Variants in MBD3 observed in about 807,000 individuals in gnomAD.
The protein encoded by MBD3 is methyl-CpG-binding domain protein 3.
A neutral mutation model predicts 31.2 loss-of-function variants in MBD3; 13 were observed. The ratio of observed to expected loss-of-function variants is 0.42; its 90% CI spans 0.27 to 0.66. The LOEUF (loss-of-function observed/expected upper bound fraction) is 0.66. Ranked by LOEUF, MBD3 falls within the 30% of genes least tolerant of loss-of-function variation. MBD3 has a pLI of 0.26. For synonymous variants in MBD3, 223 were observed against 187.4 expected (o/e 1.19, Z -1.55); for missense variants, 440 against 426.5 (o/e 1.03, Z -0.28).
At chr19:1,583,691 C>T (rs970823925) in intron 3 of MBD3, among the ~76,000 whole-genome samples, 8 of 151,916 alleles carry the variant, frequency 5.3e-5, no homozygotes, top group Admixed American at 3.3e-4. Context: ...AACCCTGTCT[C>T]GAAAGTGAAA....
intron 5 of MBD3, among the ~76,000 whole-genome samples, chr19:1,579,389 TC>T (rs2145592903): frequency 6.6e-6 from 1 of 151,774 alleles, no homozygotes; most frequent in African/African-American, 2.4e-5. Flanking sequence ...GGGGGCCTCC[TC>T]CTCGGGGCCT....
intron 3 of MBD3, 54 bp from the exon 4 acceptor site, chr19:1,582,766 CAGG>C: frequency 6.5e-7 from 1 of 1,527,490 alleles, no homozygotes; most frequent in Non-Finnish European, 9.0e-7. Flanking sequence ...CTCCCCACTC[CAGG>C]TCCTTGCTGG....
chr19:1,579,007 A>T (rs1287402314), intron 5 of MBD3, among the ~76,000 whole-genome samples: 8 of 151,952 alleles, frequency 5.3e-5, no homozygotes, highest in African/African-American at 1.9e-4. Flanking sequence ...AACATGACGA[A>T]ACCCCATCTC....
intron 1 of MBD3, among the ~76,000 whole-genome samples, chr19:1,588,976 C>T (rs1226004544): frequency 2.0e-5 from 3 of 152,158 alleles, no homozygotes; most frequent in Admixed American, 2.0e-4. Context: ...GCTGAAAAAC[C>T]ATTGACTCGT....
chr19:1,585,808 AG>A lies in MBD3; in HGVS notation c.111-595del, dbSNP rs2060676653. On this transcript the variant is annotated intron_variant, in intron 1 of 6. Coordinates refer to ENST00000434436, the MANE Select transcript of MBD3 (RefSeq NM_001281453.2). The surrounding 1 kb of genome is among the most constrained non-coding windows in gnomAD (Gnocchi z 4.1). Reference sequence around the variant, plus strand: ...TTACAGCAGCAGGGCCAGACTGGGAAGGGGTCTCGTTCTAAGATCTGGGGCC... The same window carrying A: ...TTACAGCAGCAGGGCCAGACTGGGAAGGGTCTCGTTCTAAGATCTGGGGCC... 1 of 156,508 alleles carries A rather than the reference AG, an allele frequency of 6.4e-6. No individual in the cohort carries two copies. The highest frequency in any genetic ancestry group is 1.4e-5 in the Non-Finnish European group (1 of 70,804). The allele number at this position is 156,508 out of a possible 1,614,324, so 9.7% of individuals were successfully genotyped here.
chr19:1,584,998 C>A, intron 2 of MBD3, 57 bp downstream of exon 2: 1 of 1,597,224 alleles, frequency 6.3e-7, no homozygotes. Flanking sequence ...ACGTCATGGC[C>A]GCGTCCCCGC....
chr19:1,586,260 A>C (rs2060678762), intron 1 of MBD3: 1 of 152,288 alleles, frequency 6.6e-6, no homozygotes, highest in African/African-American at 2.4e-5. Flanking sequence ...ATGAACGGAC[A>C]AACGCCCATC....
rs1302747981 is a variant in MBD3, at chr19:1,585,549, C to G, written c.111-335G>C. On this transcript the variant is annotated intron_variant, in intron 1 of 6. Coordinates refer to ENST00000434436, the MANE Select transcript of MBD3 (RefSeq NM_001281453.2). The surrounding 1 kb of genome is among the most constrained non-coding windows in gnomAD (Gnocchi z 4.1). ...GATCCTTGCTCCAGACCCCCAACCC[C>G]GGTCCCCTCTGAATCCTCCCCACCG... The G allele has an allele frequency of 8.4e-6, 3 of 358,764 alleles. No individual in the cohort carries two copies. The highest frequency in any genetic ancestry group is 2.7e-5 in the South Asian group (1 of 36,768). 22.2% of individuals were successfully genotyped at this position (358,764 alleles called of 1,614,324 possible).
rs1018898524 is a variant in MBD3 at position 1,578,470 on chromosome 19, G to A, written c.746C>T (p.Ala249Val). 18 of 1,609,972 alleles carry A rather than the reference G, an allele frequency of 1.1e-5. No homozygotes were observed. The highest frequency in any genetic ancestry group is 5.5e-5 in the South Asian group (5 of 91,078). Residue 249 changes from alanine to valine, a missense_variant, in exon 6 of 7, where the codon GCG becomes GTG. Transcript: ENST00000434436. This position sits in a 1 kb window ranked among gnomAD's most constrained non-coding sequence, Gnocchi z 6.1. The stretch of plus-strand genomic sequence containing the variant: ...GTCACGGGCCAGCTCCTCCACGTGC[G>A]CCAGCATGTCGGCCATCAGCGCCTC... ...LEEALMADML[A>V]HVEELARDGE...
In MBD3 at chr19:1,575,398, C is replaced by T. The variant is rs887676463; in HGVS notation, c.*2766G>A. 3.5e-5 allele frequency: 11 copies of T among 315,358 alleles called. No individual in the cohort carries two copies. Among genetic ancestry groups the T allele is most frequent in the Middle Eastern group, 8.3e-4 (2 of 2,412 alleles). 19.5% of individuals were successfully genotyped at this position (315,358 alleles called of 1,614,324 possible). A position where few individuals can be genotyped will look rare whatever the true frequency, so the allele number is the denominator to read the frequency against. On this transcript the variant is annotated 3_prime_UTR_variant, in exon 7 of 7. Transcript: ENST00000434436. ...CTGTGCAACAAGAGCGAAAGAAGAG[C>T]GAAACTCTTGTCTAAAAAAAAAAAA...
chr19:1,585,211 C>T lies in MBD3; in HGVS notation c.114G>A (p.Pro38=), dbSNP rs1455676054. The change falls in exon 2 of 7, where the codon CCG becomes CCA. Residue 38 remains proline, a synonymous_variant. Transcript: ENST00000434436. The surrounding 1 kb of genome is among the most constrained non-coding windows in gnomAD (Gnocchi z 4.1). ...AGHRDVFYYS[P]SGKKFRSKPQ... is the part of the protein sequence containing the mutation. ...GCTTGCTGCGGAACTTCTTCCCGCT[C>T]GGGCTGCGGGGAGGCGGGACGGTCG... The T allele has an allele frequency of 1.3e-6, 2 of 1,592,342 alleles. No individual in the cohort carries two copies. The highest frequency in any genetic ancestry group is 1.7e-6 in the Non-Finnish European group (2 of 1,175,194).
chr19:1,575,142 C>A lies in MBD3; in HGVS notation c.*3022G>T, dbSNP rs1915733272. 2 of 421,324 alleles carry A rather than the reference C, an allele frequency of 4.7e-6. No homozygotes were observed. The highest frequency in any genetic ancestry group is 2.0e-5 in the African/African-American group (1 of 49,122). 26.1% of individuals were successfully genotyped at this position (421,324 alleles called of 1,614,324 possible). On this transcript the variant is annotated 3_prime_UTR_variant, in exon 7 of 7. Coordinates refer to ENST00000434436, the MANE Select transcript of MBD3 (RefSeq NM_001281453.2). ...AGGCTCTTGCTGCTGCTGGCAAGTG[C>A]CAGAAGGGCTGCCATGGTGGTTCAC...
In MBD3 at chr19:1,592,502, C is replaced by A; in HGVS notation, c.110+20G>T. On this transcript the variant is annotated intron_variant, in intron 1 of 6. Transcript: ENST00000434436. ...GGGAGGAGCCCGTTGAGGCCCTGCGCGGCCGGCGCGCTCATTCACCTATAG... is the reference window on the plus strand; with the variant it reads ...GGGAGGAGCCCGTTGAGGCCCTGCGAGGCCGGCGCGCTCATTCACCTATAG... 7.4e-7 allele frequency: 1 copy of A among 1,346,392 alleles called. No individual in the cohort carries two copies. 83.4% of individuals were successfully genotyped at this position (1,346,392 alleles called of 1,614,324 possible).
At position 1,585,552 on chromosome 19, in the gene MBD3, TCCCC is replaced by T; in HGVS notation, c.111-342_111-339del. 2.9e-6 allele frequency: 1 copy of T among 342,252 alleles called. No homozygotes were observed. The highest frequency in any genetic ancestry group is 5.6e-6 in the Non-Finnish European group (1 of 179,884). The allele number at this position is 342,252 out of a possible 1,614,324, so 21.2% of individuals were successfully genotyped here. On this transcript the variant is annotated intron_variant, in intron 1 of 6. Transcript: ENST00000434436. The surrounding 1 kb of genome is among the most constrained non-coding windows in gnomAD (Gnocchi z 4.1). The stretch of plus-strand genomic sequence containing the variant: ...CCTTGCTCCAGACCCCCAACCCCGG[TCCCC>T]TCTGAATCCTCCCCACCGTAGGCCC...
rs1160962941 is a variant in MBD3, at chr19:1,575,296, G to T, written c.*2868C>A. 5 of 442,390 alleles carry T rather than the reference G, an allele frequency of 1.1e-5. No individual in the cohort carries two copies. The highest frequency in any genetic ancestry group is 7.8e-5 in the South Asian group (5 of 64,008). 27.4% of individuals were successfully genotyped at this position (442,390 alleles called of 1,614,324 possible). ...AATACAAAAATTAGCTGGGCGTGGT[G>T]GCTACTCGGGAGGCTGAGGCTTGAA... On this transcript the variant is annotated 3_prime_UTR_variant, in exon 7 of 7. Transcript: ENST00000434436.
At chr19:1,590,559 G>T (rs866593368) in intron 1 of MBD3, among the ~76,000 whole-genome samples, 40 of 152,252 alleles carry the variant, frequency 2.6e-4, no homozygotes, top group Non-Finnish European at 3.1e-4. Context: ...TCAAGAATGC[G>T]TAAGCCGTGA....
chr19:1,584,549 C>A lies in MBD3; in HGVS notation c.399G>T (p.Gln133His). The A allele has an allele frequency of 6.2e-7, 1 of 1,613,522 alleles. No homozygotes were observed. The highest frequency in any genetic ancestry group is 8.5e-7 in the Non-Finnish European group (1 of 1,179,874). The change falls in exon 3 of 7, where the codon CAG (glutamine) becomes CAT (histidine). Residue 133 changes from glutamine (Q) to histidine (H), a missense_variant. By Grantham distance (24) the Gln-to-His change is conservative. Transcript: ENST00000434436. ...VKSDPQKAVD[Q>H]PRQLFWEKKL... ...TGTGCGTTGAGCTCACCTGGCGCGGCTGGTCCACCGCCTTCTGCGGGTCGC... is the reference window on the plus strand; with the variant it reads ...TGTGCGTTGAGCTCACCTGGCGCGGATGGTCCACCGCCTTCTGCGGGTCGC...
Position 1,576,956 on chromosome 19 carries a change from GCTT to G in MBD3, c.*1205_*1207del, listed in dbSNP as rs1476577207. 1 of 152,428 alleles carries G rather than the reference GCTT, an allele frequency of 6.6e-6. No homozygotes were observed. Among genetic ancestry groups the G allele is most frequent in the East Asian group, 1.9e-4 (1 of 5,186 alleles). 9.4% of individuals were successfully genotyped at this position (152,428 alleles called of 1,614,324 possible). On this transcript the variant is annotated 3_prime_UTR_variant, in exon 7 of 7. Coordinates refer to ENST00000434436, the MANE Select transcript of MBD3 (RefSeq NM_001281453.2). Reference sequence around the variant, plus strand: ...CTTGGAGGGCAGACGGTGGAGCGGCGCTTCCTCAGCTCCCGCGGTCAGGCCCCA... The same window carrying G: ...CTTGGAGGGCAGACGGTGGAGCGGCGCCTCAGCTCCCGCGGTCAGGCCCCA...
chr19:1,581,601 C>T (rs1291254796), intron 4 of MBD3: 4 of 400,372 alleles, frequency 1.0e-5, no homozygotes, highest in East Asian at 1.1e-4. Flanking sequence ...AAAAATTAGC[C>T]AGGTGTCACG....
Sources: allele counts gnomAD v4.1 joint callset (sites outside exome capture counted in the v4.1 genomes callset), GRCh38; gene constraint gnomAD v4.1.1; non-coding constraint Gnocchi (gnomAD v3.1); transcripts MANE v1.5; gene names NCBI Gene and HGNC (gene_info 2026-07-23, HGNC 2026-07-21).